The following GNA11 variants were observed in gnomAD, a reference collection of about 807,000 sequenced individuals.
The protein encoded by GNA11 is guanine nucleotide-binding protein subunit alpha-11.
Under a neutral mutation model 38.2 loss-of-function variants are expected in GNA11, and 8 were observed. The ratio of observed to expected loss-of-function variants is 0.21; its 90% CI spans 0.12 to 0.38. The LOEUF (loss-of-function observed/expected upper bound fraction) is 0.38, where lower values mean the gene tolerates loss of function less well. GNA11 is among the 10% of genes least tolerant of loss of function. GNA11 has a pLI of 1.00. For missense variants in GNA11, 268 were observed against 516.3 expected, an observed-to-expected ratio of 0.52 and a Z score of 4.66; for synonymous variants, 211 against 221.4, an observed-to-expected ratio of 0.95 and a Z score of 0.42.
Position 3,122,025 on chromosome 19 carries a change from C to CG in GNA11, c.*850dup, listed in dbSNP as rs1914093216. Reference sequence around the variant, plus strand: ...CCAACACTGGCTGCTTGGGGCTGCCCGGGGACTCCAGAGGGCTGCACGGCC... The same window carrying CG: ...CCAACACTGGCTGCTTGGGGCTGCCCGGGGGACTCCAGAGGGCTGCACGGCC... On this transcript the variant is annotated 3_prime_UTR_variant, in exon 7 of 7. Coordinates refer to ENST00000078429, the MANE Select transcript of GNA11 (RefSeq NM_002067.5). The surrounding 1 kb of genome is among the most constrained non-coding windows in gnomAD (Gnocchi z 7.7). 4.3e-6 allele frequency: 1 copy of CG among 233,140 alleles called. No individual in the cohort carries two copies. Among genetic ancestry groups the CG allele is most frequent in the Admixed American group, 5.6e-5 (1 of 17,766 alleles). 14.4% of individuals were successfully genotyped at this position (233,140 alleles called of 1,614,324 possible). A position where few individuals can be genotyped will look rare whatever the true frequency, so the allele number is the denominator to read the frequency against.
chr19:3,109,761 G>A (rs535063717), intron 1 of GNA11, among the ~76,000 whole-genome samples: 419 of 152,350 alleles, frequency 2.8e-3, no homozygotes, highest in African/African-American at 9.3e-3. Flanking sequence ...TCCCTCTGGT[G>A]AGCATTGGTC....
intron 4 of GNA11, chr19:3,115,397 CCT>C: frequency 7.5e-6 from 2 of 268,052 alleles, no homozygotes; most frequent in Non-Finnish European, 1.4e-5. Context: ...AGAGGGAGAC[CCT>C]GTTTCGTCTT....
chr19:3,097,237 G>A (rs535308977), intron 1 of GNA11, among the ~76,000 whole-genome samples: 33 of 152,280 alleles, frequency 2.2e-4, no homozygotes, highest in Admixed American at 1.1e-3. Flanking sequence ...TGCGGCCCAC[G>A]GAATGTTCAG....
intron 2 of GNA11, among the ~76,000 whole-genome samples, chr19:3,112,084 T>TCAGCAG (rs149862916): frequency 1.3e-5 from 2 of 152,240 alleles, no homozygotes; most frequent in African/African-American, 4.8e-5. Flanking sequence ...CCATGGTGCT[T>TCAGCAG]CAGCAGCAGC....
At chr19:3,097,858 T>C (rs1599295201) in intron 1 of GNA11, among the ~76,000 whole-genome samples, 1 of 152,258 alleles carries the variant, frequency 6.6e-6, no homozygotes, top group East Asian at 1.9e-4. Context: ...CACTGCAGGG[T>C]GCTGAGCAGT....
rs1170171343 is a variant in GNA11 at position 3,110,894 on chromosome 19, G to A, written c.321+561G>A. 6.6e-6 allele frequency among the ~76,000 whole-genome samples: 1 copy of A among 152,114 alleles called. No homozygotes were observed. The highest frequency in any genetic ancestry group is 2.4e-5 in the African/African-American group (1 of 41,406). On this transcript the variant is annotated intron_variant, in intron 2 of 6. Transcript: ENST00000078429. This position sits in a 1 kb window ranked among gnomAD's most constrained non-coding sequence, Gnocchi z 5.4. ...GCTCATCACAGCCTGGACCTTCTGG[G>A]CTCAGGTGATCCCACCACAGCCTCC... is the stretch of plus-strand genomic sequence containing the variant.
intron 4 of GNA11, 148 bp downstream of exon 4, chr19:3,115,220 A>G (rs1913880205): frequency 1.2e-6 from 1 of 850,380 alleles, no homozygotes; most frequent in Non-Finnish European, 1.9e-6. Context: ...CCTGGGCAAC[A>G]TAGCCAGACC....
rs1454071186 is a variant in GNA11 at position 3,120,023 on chromosome 19, C to T, written c.889+664C>T. On this transcript the variant is annotated intron_variant, in intron 6 of 6. Transcript: ENST00000078429. This position sits in a 1 kb window ranked among gnomAD's most constrained non-coding sequence, Gnocchi z 5.9. ...CCCTCGTCTGTGTGGTCAGTGGCTG[C>T]CGTTAGTGCTGTCACCACTCAGAGC... Among the ~76,000 whole-genome samples, 1 of 152,038 alleles carries T rather than the reference C, an allele frequency of 6.6e-6. No individual in the cohort carries two copies. The highest frequency in any genetic ancestry group is 1.5e-5 in the Non-Finnish European group (1 of 67,962).
chr19:3,108,571 GTC>G lies in GNA11; in HGVS notation c.137-1574_137-1573del, dbSNP rs1342477550. Reference sequence around the variant, plus strand: ...GCTGGGAGGGGGCGGTGACGCTTGAGTCTCTAGGGCACCGGGGGCCTGAGCAA... The same window carrying G: ...GCTGGGAGGGGGCGGTGACGCTTGAGTCTAGGGCACCGGGGGCCTGAGCAA... On this transcript the variant is annotated intron_variant, in intron 1 of 6. Transcript: ENST00000078429. This position sits in a 1 kb window ranked among gnomAD's most constrained non-coding sequence, Gnocchi z 4.5. 1.3e-5 allele frequency among the ~76,000 whole-genome samples: 2 copies of G among 152,082 alleles called. No individual in the cohort carries two copies. The highest frequency in any genetic ancestry group is 2.9e-5 in the Non-Finnish European group (2 of 68,016).
intron 1 of GNA11, among the ~76,000 whole-genome samples, chr19:3,099,724 G>A (rs1160250403): frequency 6.6e-6 from 1 of 152,208 alleles, no homozygotes; most frequent in Non-Finnish European, 1.5e-5. Flanking sequence ...AGAAGCCTCC[G>A]ATGGTCTCTG....
chr19:3,099,580 T>C (rs1282529905), intron 1 of GNA11, among the ~76,000 whole-genome samples: 1 of 152,198 alleles, frequency 6.6e-6, no homozygotes, highest in Non-Finnish European at 1.5e-5. Flanking sequence ...GTAGGGCACC[T>C]GGCAGGTCTT....
At position 3,108,841 on chromosome 19, in the gene GNA11, C is replaced by A. The variant is rs1460339525; in HGVS notation, c.137-1308C>A. Among the ~76,000 whole-genome samples, 1 of 152,102 alleles carries A rather than the reference C, an allele frequency of 6.6e-6. No homozygotes were observed. On this transcript the variant is annotated intron_variant, in intron 1 of 6. Coordinates refer to ENST00000078429, the MANE Select transcript of GNA11 (RefSeq NM_002067.5). The surrounding 1 kb of genome is among the most constrained non-coding windows in gnomAD (Gnocchi z 4.5). ...ACATCATTTGAAGGCTGGACTGGAG[C>A]TGGAGGAGCCACTCACAAGTTGGCT...
chr19:3,108,064 G>A lies in GNA11; in HGVS notation c.137-2085G>A, dbSNP rs778319604. On this transcript the variant is annotated intron_variant, in intron 1 of 6. Transcript: ENST00000078429. This position sits in a 1 kb window ranked among gnomAD's most constrained non-coding sequence, Gnocchi z 4.5. Reference sequence around the variant, plus strand: ...TCTGAAAAGGACTCAGGGTGTTTGAGAAAAGTACTGGGGAGAGGCAGCTGC... The same window carrying A: ...TCTGAAAAGGACTCAGGGTGTTTGAAAAAAGTACTGGGGAGAGGCAGCTGC... 7.9e-5 allele frequency among the ~76,000 whole-genome samples: 12 copies of A among 152,210 alleles called. No homozygotes were observed. The highest frequency in any genetic ancestry group is 1.8e-4 in the Non-Finnish European group (12 of 68,028).
intron 1 of GNA11, among the ~76,000 whole-genome samples, chr19:3,104,411 A>G (rs935489123): frequency 6.6e-6 from 1 of 152,162 alleles, no homozygotes; most frequent in African/African-American, 2.4e-5. Flanking sequence ...CAGGCTCCCT[A>G]GCGTCTGGGG....
chr19:3,118,105 C>G (rs535898036), intron 4 of GNA11: 1 of 152,378 alleles, frequency 6.6e-6, no homozygotes, highest in Non-Finnish European at 1.5e-5. Context: ...GTGGATTTCA[C>G]CACTCACATG....
Position 3,122,425 on chromosome 19 carries a change from G to A in GNA11, c.*1246G>A, listed in dbSNP as rs550363547. 8.6e-5 allele frequency: 20 copies of A among 231,240 alleles called. No homozygotes were observed. Among genetic ancestry groups the A allele is most frequent in the Non-Finnish European group, 1.4e-4 (16 of 116,746 alleles). The allele number at this position is 231,240 out of a possible 1,614,324, so 14.3% of individuals were successfully genotyped here. A position where few individuals can be genotyped will look rare whatever the true frequency, so the allele number is the denominator to read the frequency against. ...GCAGCTTCCAGGCCTGGCTGGCCAC[G>A]ACCACGGCCCGAGGGGGAGCCCGCC... On this transcript the variant is annotated 3_prime_UTR_variant, in exon 7 of 7. Transcript: ENST00000078429. The surrounding 1 kb of genome is among the most constrained non-coding windows in gnomAD (Gnocchi z 7.7).
In GNA11 at chr19:3,103,846, C is replaced by T. The variant is rs559688475; in HGVS notation, c.137-6303C>T. Among the ~76,000 whole-genome samples, 9 of 152,166 alleles carry T rather than the reference C, an allele frequency of 5.9e-5. No individual in the cohort carries two copies. In the South Asian group the frequency reaches 1.0e-3, roughly 18 times the overall value. ...GCTTTCAGGCGCCTGCCACCATGCC[C>T]GGCTAATTTTTTGTAGTTTTAGTGG... On this transcript the variant is annotated intron_variant, in intron 1 of 6. Transcript: ENST00000078429.
chr19:3,119,348 C>T lies in GNA11; in HGVS notation c.878C>T (p.Pro293Leu). ...TACTCGCACCTGGTGGACTACTTCC[C>T]CGAGTTCGATGGTGCGCCGGGCTGC... ...ILYSHLVDYF[P>L]EFDGPQRDAQ... Residue 293 changes from proline to leucine, a missense_variant, in exon 6 of 7, where the codon CCC becomes CTC. This residue lies in a region of GNA11 where 92 missense variants were observed against 166.7 expected (regional missense o/e 0.55). Coordinates refer to ENST00000078429, the MANE Select transcript of GNA11 (RefSeq NM_002067.5). This position sits in a 1 kb window ranked among gnomAD's most constrained non-coding sequence, Gnocchi z 4.6. The T allele has an allele frequency of 6.2e-7, 1 of 1,613,628 alleles. No homozygotes were observed. The highest frequency in any genetic ancestry group is 8.5e-7 in the Non-Finnish European group (1 of 1,179,852).
Position 3,110,139 on chromosome 19 carries a change from C to A in GNA11, c.137-10C>A. On this transcript the variant is annotated splice_polypyrimidine_tract_variant and intron_variant, in intron 1 of 6. Coordinates refer to ENST00000078429, the MANE Select transcript of GNA11 (RefSeq NM_002067.5). This position sits in a 1 kb window ranked among gnomAD's most constrained non-coding sequence, Gnocchi z 5.4. ...GGCTGCCGCCCGCCCTCACGTGCCC[C>A]GTCCCCCAGGCACGGGCGAGAGCGG... 6.3e-7 allele frequency: 1 copy of A among 1,595,022 alleles called. No homozygotes were observed. The highest frequency in any genetic ancestry group is 8.5e-7 in the Non-Finnish European group (1 of 1,170,958).
Sources: allele counts gnomAD v4.1 joint callset (sites outside exome capture counted in the v4.1 genomes callset), GRCh38; gene constraint gnomAD v4.1.1; regional missense constraint gnomAD v4.1.1; non-coding constraint Gnocchi (gnomAD v3.1); transcripts MANE v1.5; gene names NCBI Gene and HGNC (gene_info 2026-07-23, HGNC 2026-07-21).